The following CTNNA3 variants were observed in gnomAD, a reference collection of about 807,000 sequenced individuals.
CTNNA3 encodes the protein catenin alpha-3.
In CTNNA3, 76 loss-of-function variants were observed where a neutral mutation model predicts 95.7. The ratio of observed to expected loss-of-function variants is 0.79; its 90% CI spans 0.66 to 0.96. The LOEUF is 0.96. Ranked by LOEUF, CTNNA3 falls within the 40% of genes least tolerant of loss-of-function variation. The pLI is 0.00. For missense variants in CTNNA3, 1,191 were observed against 1,089.8 expected (o/e 1.09, Z -1.31); for synonymous variants, 431 against 374.4 (o/e 1.15, Z -1.74).
At chr10:66,650,736 T>G (rs1201164154) in intron 9 of CTNNA3, among the ~76,000 whole-genome samples, 1 of 151,974 alleles carries the variant, frequency 6.6e-6, no homozygotes, top group Admixed American at 6.6e-5. Context: ...GCGGCGCATC[T>G]GGAGTTGTTC....
intron 11 of CTNNA3, among the ~76,000 whole-genome samples, chr10:66,438,014 A>G (rs1323716470): frequency 6.6e-6 from 1 of 152,046 alleles, no homozygotes; most frequent in Non-Finnish European, 1.5e-5. Flanking sequence ...TTGCCTACGT[A>G]TCACCAGTGG....
intron 13 of CTNNA3, among the ~76,000 whole-genome samples, chr10:66,214,081 G>A (rs924276052): frequency 4.6e-5 from 7 of 152,216 alleles, no homozygotes; most frequent in African/African-American, 1.7e-4. Flanking sequence ...GAGCAAAAAC[G>A]ATAAGAAAAA....
chr10:66,717,505 T>C (rs1487796936), intron 9 of CTNNA3, among the ~76,000 whole-genome samples: 2 of 152,130 alleles, frequency 1.3e-5, no homozygotes. Context: ...TTTTTGAGGC[T>C]GGAAATAAAC....
chr10:66,360,816 C>CTTTCTTTCTTTCTTT lies in CTNNA3; in HGVS notation c.1732+18335_1732+18336insAAAGAAAGAAAGAAA, dbSNP rs1564897280. Among the ~76,000 whole-genome samples the CTTTCTTTCTTTCTTT allele has an allele frequency of 1.1e-3, 53 of 50,264 alleles. 1 individual carries two copies. The highest frequency in any genetic ancestry group is 3.5e-3 in the Admixed American group (15 of 4,230). The allele number at this position is 50,264 out of a possible 152,430, so 33.0% of individuals were successfully genotyped here. On this transcript the variant is annotated intron_variant, in intron 12 of 17. Transcript: ENST00000433211. ...TCCTTCCTTCCTTCCTTCCTTCCTTCCTTTCTTTCTTTCTTTCTTTCTTTC... is the reference window on the plus strand; with the variant it reads ...TCCTTCCTTCCTTCCTTCCTTCCTTCTTTCTTTCTTTCTTTCTTTCTTTCTTTCTTTCTTTCTTTC...
intron 10 of CTNNA3, among the ~76,000 whole-genome samples, chr10:66,537,574 A>C (rs1247615700): frequency 6.7e-6 from 1 of 149,066 alleles, no homozygotes; most frequent in Admixed American, 6.7e-5. Context: ...ATTTATAATA[A>C]TTATAAATAA....
chr10:67,723,549 C>T (rs1297761078), intron 1 of CTNNA3, among the ~76,000 whole-genome samples: 2 of 152,164 alleles, frequency 1.3e-5, no homozygotes, highest in Non-Finnish European at 2.9e-5. Flanking sequence ...CTGCCTCAGC[C>T]TCCCAAAGCA....
intron 17 of CTNNA3, among the ~76,000 whole-genome samples, chr10:65,956,018 T>C (rs1433452724): frequency 2.0e-5 from 3 of 152,212 alleles, no homozygotes; most frequent in Non-Finnish European, 4.4e-5. Context: ...CTTCTGGTCC[T>C]GGACTTTTTT....
chr10:66,466,205 G>A lies in CTNNA3; in HGVS notation c.1531+54412C>T, dbSNP rs115197606. On this transcript the variant is annotated intron_variant, in intron 11 of 17. Coordinates refer to ENST00000433211, the MANE Select transcript of CTNNA3 (RefSeq NM_013266.4). ...GAGCTGCAACATCAACTCTTCCCTG[G>A]GTCTTAGGCTACCAGCCTACCCTGC... Among the ~76,000 whole-genome samples the A allele has an allele frequency of 3.1e-3, 476 of 151,864 alleles. 4 individuals carry two copies. The highest frequency in any genetic ancestry group is 0.011 in the African/African-American group (464 of 41,414).
intron 7 of CTNNA3, among the ~76,000 whole-genome samples, chr10:67,116,105 G>T (rs991872236): frequency 6.6e-6 from 1 of 151,276 alleles, no homozygotes; most frequent in Non-Finnish European, 1.5e-5. Flanking sequence ...ATAACTCCTG[G>T]GGTCATATCA....
chr10:67,545,079 TTA>T (rs1840804193), intron 3 of CTNNA3, among the ~76,000 whole-genome samples: 1 of 150,688 alleles, frequency 6.6e-6, no homozygotes, highest in African/African-American at 2.5e-5. Context: ...CTGTGTTTTT[TTA>T]TTATTATACT....
chr10:66,626,681 G>T (rs1844946628), intron 9 of CTNNA3, among the ~76,000 whole-genome samples: 1 of 152,040 alleles, frequency 6.6e-6, no homozygotes, highest in African/African-American at 2.4e-5. Flanking sequence ...GAAATAAAAT[G>T]GGGCCTACAA....
intron 7 of CTNNA3, among the ~76,000 whole-genome samples, chr10:67,139,071 G>A (rs1412502411): frequency 4.6e-5 from 7 of 152,046 alleles, no homozygotes; most frequent in Admixed American, 2.0e-4. Context: ...ATACATATGT[G>A]ATTTTTAAAT....
rs1400633119 is a variant in CTNNA3, at chr10:67,043,804, T to C, written c.1047+136513A>G. ...TTAGGTTTTATGCACAGCAACTCAA[T>C]AGCACAGGATAATTATGATACAGTG... On this transcript the variant is annotated intron_variant, in intron 7 of 17. Transcript: ENST00000433211. 3.3e-5 allele frequency among the ~76,000 whole-genome samples: 5 copies of C among 152,274 alleles called. No individual in the cohort carries two copies. The South Asian group carries it at 1.0e-3, about 32-fold the overall frequency.
intron 5 of CTNNA3, among the ~76,000 whole-genome samples, chr10:67,240,070 C>A (rs932766163): frequency 6.6e-6 from 1 of 152,166 alleles, no homozygotes; most frequent in Admixed American, 6.6e-5. Context: ...CTCTGCTCAA[C>A]AAAGCAGAGC....
chr10:65,968,995 A>G (rs981824750), intron 16 of CTNNA3, among the ~76,000 whole-genome samples: 2 of 152,228 alleles, frequency 1.3e-5, no homozygotes, highest in Admixed American at 1.3e-4. Context: ...ATTTTGCACT[A>G]CAAGAATAAG....
intron 9 of CTNNA3, among the ~76,000 whole-genome samples, chr10:66,646,849 T>C (rs1329626383): frequency 6.6e-6 from 1 of 152,142 alleles, no homozygotes. Flanking sequence ...GTGGAAACTC[T>C]GAACAAAATT....
intron 13 of CTNNA3, among the ~76,000 whole-genome samples, chr10:66,146,568 T>C (rs1365084708): frequency 2.6e-5 from 4 of 152,080 alleles, no homozygotes; most frequent in African/African-American, 4.8e-5. Flanking sequence ...GGTTGGTTGG[T>C]TTTTTGAGCC....
chr10:67,412,885 C>T (rs149974952), intron 5 of CTNNA3, among the ~76,000 whole-genome samples: 2 of 152,030 alleles, frequency 1.3e-5, no homozygotes, highest in African/African-American at 4.8e-5. Context: ...AAAAGAATGA[C>T]ACCTGCCACC....
intron 5 of CTNNA3, among the ~76,000 whole-genome samples, chr10:67,345,827 A>G (rs1461104828): frequency 6.6e-6 from 1 of 151,938 alleles, no homozygotes; most frequent in East Asian, 1.9e-4. Flanking sequence ...TTTACATTCA[A>G]TGTTATTATT....
Sources: allele counts gnomAD v4.1 joint callset (sites outside exome capture counted in the v4.1 genomes callset), GRCh38; gene constraint gnomAD v4.1.1; transcripts MANE v1.5; gene names NCBI Gene and HGNC (gene_info 2026-07-23, HGNC 2026-07-21).